The following TMEM131 variants were observed in gnomAD, a reference collection of about 807,000 sequenced individuals.
The protein encoded by TMEM131 is 2610524E03Rik.
TMEM131 carries 66 observed loss-of-function variants against 211.6 expected under a neutral mutation model. The ratio of observed to expected loss-of-function variants is 0.31; its 90% confidence interval spans 0.26 to 0.38. The LOEUF is 0.38. Ranked by LOEUF, TMEM131 falls within the 10% of genes least tolerant of loss-of-function variation. TMEM131 has a pLI of 1.00. For synonymous variants in TMEM131, 844 were observed against 841.3 expected, an observed-to-expected ratio of 1.00 and a Z score of -0.06; for missense variants, 2,036 against 2,299.3, an observed-to-expected ratio of 0.89 and a Z score of 2.34.
intron 11 of TMEM131, among the ~76,000 whole-genome samples, chr2:97,830,141 A>AAAAAAC (rs1345956165): frequency 6.7e-6 from 1 of 149,934 alleles, no homozygotes; most frequent in Non-Finnish European, 1.5e-5. Flanking sequence ...TTAAAAAAAA[A>AAAAAAC]AAAAAAAAAA....
intron 39 of TMEM131, 178 bp from the exon 40 acceptor site, chr2:97,759,231 C>A (rs775723904): frequency 1.4e-6 from 1 of 706,488 alleles, no homozygotes; most frequent in East Asian, 2.7e-5. Flanking sequence ...AGAACTCAAA[C>A]GCATAGTGCA....
At chr2:97,925,764 A>C (rs1036716720) in intron 2 of TMEM131, among the ~76,000 whole-genome samples, 9 of 152,194 alleles carry the variant, frequency 5.9e-5, no homozygotes, top group Admixed American at 5.9e-4. Context: ...GCAATTTTTA[A>C]AATTTATTTT....
intron 2 of TMEM131, among the ~76,000 whole-genome samples, chr2:97,923,851 C>T (rs889812088): frequency 1.3e-5 from 2 of 151,854 alleles, no homozygotes; most frequent in Non-Finnish European, 2.9e-5. Context: ...GAGGCTGAGG[C>T]GGGTGGATCA....
At chr2:97,887,289 G>A (rs866543830) in intron 4 of TMEM131, among the ~76,000 whole-genome samples, 2 of 152,116 alleles carry the variant, frequency 1.3e-5, no homozygotes, top group African/African-American at 2.4e-5. Context: ...TGCTAGTGGC[G>A]ACCCACAGGG....
intron 31 of TMEM131, 26 bp downstream of exon 31, chr2:97,792,360 G>A (rs369710961): frequency 6.6e-7 from 1 of 1,520,312 alleles, no homozygotes; most frequent in African/African-American, 1.4e-5. Flanking sequence ...ACACATCACG[G>A]ATCTCCGGCA....
Position 97,836,935 on chromosome 2 carries a change from T to C in TMEM131, c.804+142A>G. ...TTCCTCCTCCAATTTTCATATATAC[T>C]TGACATAAATTAACATTAAGACAAC... On this transcript the variant is annotated intron_variant, in intron 8 of 40. Transcript: ENST00000186436. 3 of 696,020 alleles carry C rather than the reference T, an allele frequency of 4.3e-6. No individual in the cohort carries two copies. The South Asian group carries it at 5.6e-5, about 13-fold the overall frequency. 43.1% of individuals were successfully genotyped at this position (696,020 alleles called of 1,614,324 possible).
intron 31 of TMEM131, among the ~76,000 whole-genome samples, chr2:97,777,700 A>G (rs1199259169): frequency 6.6e-6 from 1 of 152,186 alleles, no homozygotes; most frequent in Non-Finnish European, 1.5e-5. Context: ...TAACTTGGAT[A>G]GTAAGTCTCA....
chr2:97,871,640 C>T (rs942276304), intron 4 of TMEM131, among the ~76,000 whole-genome samples: 5 of 152,186 alleles, frequency 3.3e-5, no homozygotes, highest in Admixed American at 1.3e-4. Context: ...AGCAGGAGGA[C>T]CATATTCCAC....
chr2:97,791,859 T>C (rs555769522), intron 31 of TMEM131, among the ~76,000 whole-genome samples: 12 of 152,328 alleles, frequency 7.9e-5, no homozygotes, highest in African/African-American at 2.6e-4. Flanking sequence ...GTGGGCCATA[T>C]TGTTTTGGTC....
intron 1 of TMEM131, among the ~76,000 whole-genome samples, chr2:97,947,781 G>A (rs927816300): frequency 3.2e-4 from 48 of 152,224 alleles, no homozygotes; most frequent in African/African-American, 1.1e-3. Context: ...ACTCAACATT[G>A]CCTGATTTAA....
intron 32 of TMEM131, among the ~76,000 whole-genome samples, chr2:97,775,233 A>G (rs755361514): frequency 6.6e-6 from 1 of 152,188 alleles, no homozygotes; most frequent in Non-Finnish European, 1.5e-5. Flanking sequence ...TCCTGCTGTG[A>G]TAACAGCCCT....
intron 5 of TMEM131, among the ~76,000 whole-genome samples, chr2:97,848,300 A>C (rs1302424710): frequency 6.6e-6 from 1 of 152,212 alleles, no homozygotes. Flanking sequence ...ATAAACAAAC[A>C]GTAGCTAAAA....
At chr2:97,772,569 T>C in intron 32 of TMEM131, 145 bp from the exon 33 acceptor site, 2 of 993,352 alleles carry the variant, frequency 2.0e-6, no homozygotes, top group Non-Finnish European at 2.9e-6. Context: ...CAAATCTGTC[T>C]TCACTGCGGT....
rs375244518 is a variant in TMEM131 at position 97,760,866 on chromosome 2, C to A, written c.4938G>T (p.Lys1646Asn). The A allele has an allele frequency of 5.9e-5, 95 of 1,613,932 alleles. No individual in the cohort carries two copies. The highest frequency in any genetic ancestry group is 8.0e-5 in the Non-Finnish European group (94 of 1,179,910). The change falls in exon 37 of 41, where the codon AAG (lysine) becomes AAT (asparagine). Residue 1646 changes from lysine (K) to asparagine (N), a missense_variant. Physicochemically the swap from Lys to Asn is moderately conservative, Grantham distance 94. Coordinates refer to ENST00000186436, the MANE Select transcript of TMEM131 (RefSeq NM_015348.2). ...CGTTCTTGCCCGGGAGCGAGGCTGCCTTTGTCAACTTGTGTTTGCTTCCAT... is the reference window on the plus strand; with the variant it reads ...CGTTCTTGCCCGGGAGCGAGGCTGCATTTGTCAACTTGTGTTTGCTTCCAT... The part of the protein sequence containing the change: ...QPNGSKHKLT[K>N]AASLPGKNGN...
chr2:97,794,396 A>G (rs1345753002), intron 29 of TMEM131, among the ~76,000 whole-genome samples: 17 of 152,172 alleles, frequency 1.1e-4, no homozygotes, highest in Non-Finnish European at 1.5e-5. Flanking sequence ...GGCAATAATT[A>G]TGTGTATTAG....
intron 4 of TMEM131, among the ~76,000 whole-genome samples, chr2:97,885,623 G>A (rs1675123882): frequency 6.6e-6 from 1 of 152,018 alleles, no homozygotes; most frequent in Admixed American, 6.6e-5. Flanking sequence ...TGGCCTGTAA[G>A]TTTTCTGCTG....
intron 32 of TMEM131, among the ~76,000 whole-genome samples, chr2:97,773,638 T>C (rs1003945271): frequency 1.3e-5 from 2 of 148,738 alleles, no homozygotes; most frequent in African/African-American, 4.9e-5. Flanking sequence ...ACACATCTAC[T>C]CATGTATTAT....
At chr2:97,886,291 A>G (rs1162554156) in intron 4 of TMEM131, among the ~76,000 whole-genome samples, 1 of 151,990 alleles carries the variant, frequency 6.6e-6, no homozygotes, top group Non-Finnish European at 1.5e-5. Flanking sequence ...GTTACTGAAG[A>G]ATTATTGTTT....
intron 11 of TMEM131, among the ~76,000 whole-genome samples, chr2:97,832,323 C>A (rs1475256325): frequency 1.3e-5 from 2 of 152,250 alleles, no homozygotes; most frequent in East Asian, 3.9e-4. Flanking sequence ...TTGTTTCAGT[C>A]CATTTATTGT....
Sources: gnomAD v4.1 joint callset for allele counts (sites outside exome capture counted in the v4.1 genomes callset) on GRCh38, gnomAD v4.1.1 for gene constraint, MANE v1.5 for transcripts, NCBI Gene and HGNC (gene_info 2026-07-23, HGNC 2026-07-21) for gene names.